Variants in CADM2 observed in about 807,000 individuals in gnomAD.
CADM2 encodes the protein cell adhesion molecule 2.
CADM2 carries 12 observed loss-of-function variants against 49.8 expected under a neutral mutation model. The observed-to-expected ratio is 0.24, with a 90% CI of 0.15 to 0.39. The LOEUF is 0.39. Among genes scored for constraint, CADM2 ranks in the 10% least tolerant of loss-of-function variants. The pLI is 1.00. For synonymous variants in CADM2, 214 were observed against 175.4 expected (o/e 1.22, Z -1.74); for missense variants, 378 against 492.3 (o/e 0.77, Z 2.20).
intron 1 of CADM2, among the ~76,000 whole-genome samples, chr3:85,134,218 G>A (rs976065746): frequency 1.3e-5 from 2 of 152,318 alleles, no homozygotes; most frequent in African/African-American, 4.8e-5. Flanking sequence ...GCCGCGCGCA[G>A]CCCCGGTTCC....
Position 85,237,544 on chromosome 3 carries a change from A to C in CADM2, c.61+277876A>C, listed in dbSNP as rs146657448. Among the ~76,000 whole-genome samples, 887 of 151,322 alleles carry C rather than the reference A, an allele frequency of 5.9e-3. 7 individuals are homozygous for C. Among genetic ancestry groups the C allele is most frequent in the Non-Finnish European group, 8.2e-3 (555 of 67,710 alleles). On this transcript the variant is annotated intron_variant, in intron 1 of 9. Transcript: ENST00000383699. ...TTATATAACTAACATATTACTTAGA[A>C]TATATAAATACATAAATATAAATTT...
chr3:85,780,887 T>G (rs2070605356), intron 2 of CADM2, among the ~76,000 whole-genome samples: 1 of 152,130 alleles, frequency 6.6e-6, no homozygotes, highest in Admixed American at 6.6e-5. Flanking sequence ...TTTCGGCCAA[T>G]GAGACAATAA....
At chr3:85,823,750 T>C (rs1466291140) in intron 3 of CADM2, among the ~76,000 whole-genome samples, 1 of 152,178 alleles carries the variant, frequency 6.6e-6, no homozygotes, top group Non-Finnish European at 1.5e-5. Context: ...AGTAACAGAC[T>C]GTATCTGAAC....
At chr3:86,059,107 A>AG (rs1210773792) in intron 8 of CADM2, among the ~76,000 whole-genome samples, 1 of 151,834 alleles carries the variant, frequency 6.6e-6, no homozygotes, top group Non-Finnish European at 1.5e-5. Context: ...AAAAAAAAAA[A>AG]AAAAAATTCC....
chr3:85,343,801 T>C (rs977748413), intron 1 of CADM2, among the ~76,000 whole-genome samples: 1 of 152,166 alleles, frequency 6.6e-6, no homozygotes, highest in Non-Finnish European at 1.5e-5. Flanking sequence ...ACTTTCACAG[T>C]GTTCTTGATT....
intron 1 of CADM2, among the ~76,000 whole-genome samples, chr3:85,162,727 A>G (rs189534811): frequency 1.8e-4 from 27 of 152,022 alleles, no homozygotes; most frequent in South Asian, 6.2e-4. Flanking sequence ...TCTTACATGG[A>G]ATTTAATCTT....
At chr3:85,057,534 A>C (rs2036130451) in intron 1 of CADM2, among the ~76,000 whole-genome samples, 1 of 152,114 alleles carries the variant, frequency 6.6e-6, no homozygotes, top group African/African-American at 2.4e-5. Flanking sequence ...TTACTATTTA[A>C]ATATAGAATC....
At chr3:85,706,849 G>T (rs1230791361) in intron 1 of CADM2, among the ~76,000 whole-genome samples, 1 of 152,026 alleles carries the variant, frequency 6.6e-6, no homozygotes, top group Non-Finnish European at 1.5e-5. Context: ...AAAGAAAAAG[G>T]GGTTTTAATA....
intron 8 of CADM2, 29 bp from the exon 9 acceptor site, chr3:86,065,576 A>T: frequency 6.3e-7 from 1 of 1,598,262 alleles, no homozygotes; most frequent in East Asian, 2.2e-5. Context: ...AACACATTAA[A>T]TAGAACAATA....
chr3:85,368,753 G>C (rs1026984853), intron 1 of CADM2, among the ~76,000 whole-genome samples: 1 of 151,822 alleles, frequency 6.6e-6, no homozygotes, highest in African/African-American at 2.4e-5. Context: ...AACTATTTTT[G>C]TGTAACATTT....
At chr3:85,459,183 T>C (rs189681428) in intron 1 of CADM2, among the ~76,000 whole-genome samples, 10 of 152,328 alleles carry the variant, frequency 6.6e-5, no homozygotes, top group Admixed American at 2.6e-4. Context: ...CCATGTTCTC[T>C]GAGATTCTCC....
intron 1 of CADM2, among the ~76,000 whole-genome samples, chr3:85,561,127 GCAATTTCC>G (rs2062084710): frequency 6.6e-6 from 1 of 152,040 alleles, no homozygotes; most frequent in African/African-American, 2.4e-5. Flanking sequence ...TTATCCCTTT[GCAATTTCC>G]TTTTTCACTC....
chr3:85,837,000 T>A (rs923518310), intron 3 of CADM2, among the ~76,000 whole-genome samples: 1 of 151,598 alleles, frequency 6.6e-6, no homozygotes, highest in Non-Finnish European at 1.5e-5. Context: ...TCTTCTGTAG[T>A]TGTAAAAATG....
chr3:85,594,623 A>T (rs1326544072), intron 1 of CADM2, among the ~76,000 whole-genome samples: 1 of 151,976 alleles, frequency 6.6e-6, no homozygotes, highest in Non-Finnish European at 1.5e-5. Context: ...GCATTCATTT[A>T]TGTTAGATAA....
intron 5 of CADM2, among the ~76,000 whole-genome samples, chr3:85,889,368 G>T (rs1325213097): frequency 6.6e-6 from 1 of 152,122 alleles, no homozygotes; most frequent in Non-Finnish European, 1.5e-5. Flanking sequence ...CTCAAGTACA[G>T]GGCTTGCTGA....
At chr3:85,680,549 G>T (rs1396059692) in intron 1 of CADM2, among the ~76,000 whole-genome samples, 1 of 152,112 alleles carries the variant, frequency 6.6e-6, no homozygotes, top group African/African-American at 2.4e-5. Flanking sequence ...TGCTCCATAA[G>T]TGATTATTGA....
At chr3:85,233,711 T>C (rs1011081938) in intron 1 of CADM2, among the ~76,000 whole-genome samples, 18 of 152,304 alleles carry the variant, frequency 1.2e-4, no homozygotes, top group African/African-American at 3.1e-4. Context: ...TTCTTTTGTT[T>C]ATAATGGTTT....
At chr3:85,598,296 C>T (rs145809673) in intron 1 of CADM2, among the ~76,000 whole-genome samples, 1 of 151,700 alleles carries the variant, frequency 6.6e-6, no homozygotes. Context: ...TCCCATCAAG[C>T]CAAACACTGG....
At chr3:85,776,902 G>T (rs752897748) in intron 2 of CADM2, among the ~76,000 whole-genome samples, 1 of 152,020 alleles carries the variant, frequency 6.6e-6, no homozygotes, top group African/African-American at 2.4e-5. Context: ...CAGAATAGAT[G>T]TCTGACACGC....
Sources: gnomAD v4.1 joint callset for allele counts (sites outside exome capture counted in the v4.1 genomes callset) on GRCh38, gnomAD v4.1.1 for gene constraint, MANE v1.5 for transcripts, NCBI Gene and HGNC (gene_info 2026-07-23, HGNC 2026-07-21) for gene names.